ATP8B4: variants seen among roughly 807,000 people sequenced by gnomAD.
The protein encoded by ATP8B4 is ATPase phospholipid transporting 8B4 (putative), also known as probable phospholipid-transporting ATPase IM.
Under a neutral mutation model 145.6 loss-of-function variants are expected in ATP8B4, and 133 were observed. The ratio of observed to expected loss-of-function variants is 0.91; its 90% CI spans 0.79 to 1.05. The LOEUF (loss-of-function observed/expected upper bound fraction) is 1.05. ATP8B4 is among the 50% of genes least tolerant of loss of function. The probability of loss-of-function intolerance (pLI) is 0.00; values close to 1 mark genes in which losing one functional copy is unlikely to be tolerated. For missense variants in ATP8B4, 1,458 were observed against 1,425.2 expected (o/e 1.02, Z -0.37); for synonymous variants, 507 against 492.9 (o/e 1.03, Z -0.38).
intron 1 of ATP8B4, among the ~76,000 whole-genome samples, chr15:50,111,273 C>T (rs2056927273): frequency 1.3e-5 from 2 of 152,220 alleles, no homozygotes; most frequent in African/African-American, 2.4e-5. Flanking sequence ...ATTCCATGCT[C>T]ACCAAGCAAC....
chr15:50,125,257 G>C (rs535920278), intron 1 of ATP8B4, among the ~76,000 whole-genome samples: 1 of 152,128 alleles, frequency 6.6e-6, no homozygotes, highest in Non-Finnish European at 1.5e-5. Context: ...CAGACACTTA[G>C]GGTCTTTTAA....
intron 6 of ATP8B4, among the ~76,000 whole-genome samples, chr15:50,033,990 T>TTCA (rs1354507800): frequency 6.6e-6 from 1 of 152,210 alleles, no homozygotes; most frequent in Non-Finnish European, 1.5e-5. Context: ...AGATTCCATG[T>TTCA]CTTTGCTATT....
At chr15:49,988,019 G>T (rs919855517) in intron 9 of ATP8B4, among the ~76,000 whole-genome samples, 4 of 152,278 alleles carry the variant, frequency 2.6e-5, no homozygotes, top group Admixed American at 2.0e-4. Flanking sequence ...GGATTTCTGA[G>T]GTCCTACTGT....
At chr15:50,018,910 A>C (rs1251622490) in intron 6 of ATP8B4, 1 of 1,252,404 alleles carries the variant, frequency 8.0e-7, no homozygotes, top group African/African-American at 1.6e-5. Context: ...GACCAGGATA[A>C]ATCTTCTTCC....
intron 9 of ATP8B4, among the ~76,000 whole-genome samples, chr15:49,991,774 G>A (rs1338463905): frequency 1.3e-5 from 2 of 152,046 alleles, no homozygotes; most frequent in African/African-American, 4.8e-5. Context: ...CTCTTATCAG[G>A]GATCCTGACA....
intron 27 of ATP8B4, among the ~76,000 whole-genome samples, chr15:49,861,028 T>C (rs1244244774): frequency 1.1e-5 from 1 of 89,884 alleles, no homozygotes. Flanking sequence ...TTCCCACAAC[T>C]CTTTCATTCC....
chr15:49,966,848 C>T (rs2044593839), intron 13 of ATP8B4, among the ~76,000 whole-genome samples: 1 of 152,214 alleles, frequency 6.6e-6, no homozygotes, highest in South Asian at 2.1e-4. Context: ...CGGAGGTCGA[C>T]AGACACCTTA....
At position 50,148,458 on chromosome 15, in the gene ATP8B4, T is replaced by C. The variant is rs369144205; in HGVS notation, c.-43+33803A>G. Among the ~76,000 whole-genome samples the C allele has an allele frequency of 3.3e-5, 5 of 152,076 alleles. 1 individual carries two copies. The highest frequency in any genetic ancestry group is 3.9e-4 in the East Asian group (2 of 5,194). On this transcript the variant is annotated intron_variant, in intron 1 of 3. Coordinates refer to the ATP8B4 transcript ENST00000558829. ...AAGAGGTGGGGCCTTTAAAAGGGGA[T>C]TAGGCCATGAGAGCTCCTCCCTCAT...
intron 1 of ATP8B4, among the ~76,000 whole-genome samples, chr15:50,138,465 A>G (rs967819526): frequency 2.0e-5 from 3 of 151,898 alleles, no homozygotes; most frequent in African/African-American, 7.3e-5. Flanking sequence ...TGATAGACAG[A>G]TAGATAGACA....
rs149989959 is a variant in ATP8B4 at position 50,129,863 on chromosome 15, G to A, written c.-42-22855C>T. 6.0e-3 allele frequency among the ~76,000 whole-genome samples: 902 copies of A among 149,772 alleles called. 5 individuals carry two copies. The highest frequency in any genetic ancestry group is 0.01 in the Non-Finnish European group (701 of 67,756). On this transcript the variant is annotated intron_variant, in intron 1 of 3. Transcript: ENST00000558829. ...CTTGGGAAGCTGAGGCAGGAGAATCGCTTGAACCCAGGAGGCGGAGGCTGC... is the reference window on the plus strand; with the variant it reads ...CTTGGGAAGCTGAGGCAGGAGAATCACTTGAACCCAGGAGGCGGAGGCTGC...
chr15:50,058,809 A>G (rs1000360459), intron 3 of ATP8B4, among the ~76,000 whole-genome samples: 1 of 151,612 alleles, frequency 6.6e-6, no homozygotes, highest in African/African-American at 2.4e-5. Context: ...GAGTAAATCT[A>G]TATTCAAACA....
chr15:49,955,758 C>T (rs1347628847), intron 14 of ATP8B4, among the ~76,000 whole-genome samples: 2 of 152,038 alleles, frequency 1.3e-5, no homozygotes, highest in East Asian at 1.9e-4. Context: ...AAATGAAAAG[C>T]GCTGGTCACA....
intron 24 of ATP8B4, 69 bp downstream of exon 24, chr15:49,879,307 C>T (rs2035011487): frequency 2.2e-6 from 3 of 1,374,326 alleles, no homozygotes; most frequent in Non-Finnish European, 3.0e-6. Context: ...GTGTTTTCTA[C>T]TTAGAACCCA....
rs111906354 is a variant in ATP8B4 at position 50,133,359 on chromosome 15, G to A, written c.-42-26351C>T. ...TTTGGGAAGCAAAGGCAGGAGGATT[G>A]CTTGAGCCCAGGAGTTTGAGACCAG... On this transcript the variant is annotated intron_variant, in intron 1 of 3. Coordinates refer to the ATP8B4 transcript ENST00000558829. Among the ~76,000 whole-genome samples, 609 of 152,124 alleles carry A rather than the reference G, an allele frequency of 4.0e-3. 7 individuals are homozygous for A. Among genetic ancestry groups the A allele is most frequent in the African/African-American group, 0.014 (569 of 41,492 alleles).
intron 2 of ATP8B4, among the ~76,000 whole-genome samples, chr15:50,076,681 A>G (rs2054199751): frequency 6.6e-6 from 1 of 152,072 alleles, no homozygotes; most frequent in Admixed American, 6.5e-5. Flanking sequence ...CAGGAAGCCC[A>G]CTTTTGTTTC....
At chr15:49,999,471 A>G (rs1024234674) in intron 8 of ATP8B4, among the ~76,000 whole-genome samples, 1 of 151,838 alleles carries the variant, frequency 6.6e-6, no homozygotes, top group South Asian at 2.1e-4. Flanking sequence ...CCAGCATGGC[A>G]CATGTATACA....
chr15:50,100,632 A>C (rs147611376), intron 2 of ATP8B4, among the ~76,000 whole-genome samples: 12 of 152,276 alleles, frequency 7.9e-5, no homozygotes, highest in African/African-American at 2.9e-4. Context: ...TCATCTAAAG[A>C]TGTGTCAGTC....
intron 25 of ATP8B4, among the ~76,000 whole-genome samples, chr15:49,870,885 G>A (rs2033573699): frequency 6.6e-6 from 1 of 152,220 alleles, no homozygotes; most frequent in Admixed American, 6.5e-5. Flanking sequence ...CTCTGCCATT[G>A]AAAGAAACAC....
intron 14 of ATP8B4, among the ~76,000 whole-genome samples, chr15:49,951,525 T>C (rs1181204435): frequency 6.6e-6 from 1 of 151,958 alleles, no homozygotes; most frequent in African/African-American, 2.4e-5. Flanking sequence ...CAAACCCTGC[T>C]TTTTTTTGCT....
Sources: gnomAD v4.1 joint callset for allele counts (sites outside exome capture counted in the v4.1 genomes callset) on GRCh38, gnomAD v4.1.1 for gene constraint, MANE v1.5 for transcripts, NCBI Gene and HGNC (gene_info 2026-07-23, HGNC 2026-07-21) for gene names.